The following CCDC158 variants were observed in gnomAD, a reference collection of about 807,000 sequenced individuals.
CCDC158 encodes coiled-coil domain containing 158, also known as coiled-coil domain-containing protein 158.
In CCDC158, 116 loss-of-function variants were observed where a neutral mutation model predicts 138.6. The observed-to-expected ratio is 0.84, with a 90% confidence interval of 0.72 to 0.98. The LOEUF (loss-of-function observed/expected upper bound fraction) is 0.98. Among genes scored for constraint, CCDC158 ranks in the 50% least tolerant of loss-of-function variants. The pLI, the probability that CCDC158 is intolerant of heterozygous loss-of-function variation, is 0.00. For synonymous variants in CCDC158, 436 were observed against 442.4 expected (o/e 0.99, Z 0.18); for missense variants, 1,265 against 1,306.1 (o/e 0.97, Z 0.48).
chr4:76,344,116 G>C (rs143964366), intron 18 of CCDC158, among the ~76,000 whole-genome samples: 2,183 of 152,246 alleles, frequency 0.014, 26 homozygotes, highest in Non-Finnish European at 0.023. Flanking sequence ...TATCGCCTCA[G>C]CCCAAAATCT....
At chr4:76,384,959 T>A (rs1017596510) in intron 4 of CCDC158, among the ~76,000 whole-genome samples, 16 of 152,190 alleles carry the variant, frequency 1.1e-4, no homozygotes, top group African/African-American at 3.9e-4. Flanking sequence ...ATTTTTTACA[T>A]GAAAACATGA....
intron 13 of CCDC158, 26 bp downstream of exon 13, chr4:76,362,100 G>T: frequency 1.3e-6 from 2 of 1,598,500 alleles, no homozygotes; most frequent in Non-Finnish European, 1.7e-6. Context: ...TTATTTTTTA[G>T]TAGGATTTGT....
At chr4:76,343,044 G>A (rs1424145349) in intron 18 of CCDC158, among the ~76,000 whole-genome samples, 3 of 152,258 alleles carry the variant, frequency 2.0e-5, no homozygotes, top group South Asian at 2.1e-4. Context: ...GGGTAAGGTT[G>A]AACCAAAGGA....
rs754936497 is a variant in CCDC158 at position 76,334,178 on chromosome 4, A to G, written c.2665-11T>C. The G allele has an allele frequency of 6.5e-7, 1 of 1,529,476 alleles. No individual in the cohort carries two copies. Among genetic ancestry groups the G allele is most frequent in the South Asian group, 1.3e-5 (1 of 79,828 alleles). The allele number at this position is 1,529,476 out of a possible 1,614,324, so 94.7% of individuals were successfully genotyped here. A position where few individuals can be genotyped will look rare whatever the true frequency, so the allele number is the denominator to read the frequency against. On this transcript the variant is annotated splice_polypyrimidine_tract_variant and intron_variant, in intron 18 of 24. Transcript: ENST00000682701. ...AGCTTTTGTAGAGTGCTGAGTTAAA[A>G]CAATTTACAAAGACACTTATTTTTT...
At chr4:76,357,594 T>A in intron 13 of CCDC158, 68 bp from the exon 14 acceptor site, 1 of 979,816 alleles carries the variant, frequency 1.0e-6, no homozygotes, top group Non-Finnish European at 1.4e-6. Context: ...AAGTATATTT[T>A]ATTTGTAATT....
rs141882320 is a variant in CCDC158, at chr4:76,325,986, G to A, written c.3040C>T (p.Arg1014Cys). The change falls in exon 23 of 25, where the codon CGT becomes TGT. Residue 1014 changes from arginine to cysteine, a missense_variant. Arg to Cys is a radical substitution (Grantham distance 180). Coordinates refer to ENST00000682701, the MANE Select transcript of CCDC158 (RefSeq NM_001394954.1). ...TTCTTAGGAGAAGAATTGAATGAACGAGAAGCTGAGTTTTTCACAGATGGA... is the reference window on the plus strand; with the variant it reads ...TTCTTAGGAGAAGAATTGAATGAACAAGAAGCTGAGTTTTTCACAGATGGA... ...ASPSVKNSAS[R>C]SFNSSPKKSP... The A allele has an allele frequency of 1.5e-4, 246 of 1,612,548 alleles. No homozygotes were observed. The highest frequency in any genetic ancestry group is 1.6e-4 in the Non-Finnish European group (188 of 1,179,378).
chr4:76,381,469 G>GC (rs995669641), intron 8 of CCDC158, among the ~76,000 whole-genome samples: 2 of 152,222 alleles, frequency 1.3e-5, no homozygotes, highest in Non-Finnish European at 2.9e-5. Context: ...GGGGCCTGCA[G>GC]CCCCTTTGTT....
chr4:76,347,109 G>C (rs866564218), intron 18 of CCDC158, among the ~76,000 whole-genome samples: 1 of 152,196 alleles, frequency 6.6e-6, no homozygotes, highest in South Asian at 2.1e-4. Context: ...CATTGTGGAA[G>C]ACAGTGTGGC....
intron 12 of CCDC158, among the ~76,000 whole-genome samples, chr4:76,366,094 G>A (rs1042031144): frequency 3.3e-5 from 5 of 152,130 alleles, no homozygotes; most frequent in African/African-American, 1.2e-4. Context: ...TAACACACTA[G>A]CAATCCACTA....
chr4:76,402,689 G>A (rs1209514642), intron 3 of CCDC158, among the ~76,000 whole-genome samples: 22 of 152,168 alleles, frequency 1.4e-4, no homozygotes, highest in Non-Finnish European at 5.9e-5. Context: ...GAGGTGATGG[G>A]GGCCTGAACC....
chr4:76,379,860 T>C (rs978774424), intron 8 of CCDC158, among the ~76,000 whole-genome samples: 11 of 150,338 alleles, frequency 7.3e-5, no homozygotes, highest in African/African-American at 2.7e-4. Context: ...TGGTGGGAGG[T>C]GATTGGACTG....
rs772972921 is a variant in CCDC158 at position 76,345,325 on chromosome 4, T to C, written c.2664+5671A>G. The C allele has an allele frequency of 1.5e-4, 164 of 1,111,224 alleles. 1 individual carries two copies. The highest frequency in any genetic ancestry group is 2.0e-4 in the Non-Finnish European group (141 of 722,322). The allele number at this position is 1,111,224 out of a possible 1,614,324, so 68.8% of individuals were successfully genotyped here. A position where few individuals can be genotyped will look rare whatever the true frequency, so the allele number is the denominator to read the frequency against. ...TTATACAGACACACCAAAGCCCTCA[T>C]TGATTATGAGAACTCAAACAAAGCT... On this transcript the variant is annotated intron_variant, in intron 18 of 24. Coordinates refer to ENST00000682701, the MANE Select transcript of CCDC158 (RefSeq NM_001394954.1).
chr4:76,336,931 T>C (rs1430939693), intron 18 of CCDC158, among the ~76,000 whole-genome samples: 1 of 152,212 alleles, frequency 6.6e-6, no homozygotes, highest in Non-Finnish European at 1.5e-5. Flanking sequence ...AAGCTTCCTC[T>C]TCTGTGTCCT....
chr4:76,334,300 G>C (rs1332137520), intron 18 of CCDC158, 133 bp from the exon 19 acceptor site: 1 of 710,736 alleles, frequency 1.4e-6, no homozygotes, highest in Non-Finnish European at 2.3e-6. Context: ...TCACCCACAA[G>C]CTTATTACAC....
At chr4:76,395,219 G>A (rs1727669535) in intron 4 of CCDC158, among the ~76,000 whole-genome samples, 1 of 152,058 alleles carries the variant, frequency 6.6e-6, no homozygotes, top group Non-Finnish European at 1.5e-5. Flanking sequence ...ATTTATCATA[G>A]GTAATGCCAC....
chr4:76,361,663 C>T (rs1047271799), intron 13 of CCDC158, among the ~76,000 whole-genome samples: 9 of 152,206 alleles, frequency 5.9e-5, no homozygotes, highest in Non-Finnish European at 1.3e-4. Flanking sequence ...GAGTGTTTCA[C>T]TGTTTAATAT....
upstream of CCDC158, chr4:76,421,805 AC>A (rs1284181255): frequency 6.6e-6 from 1 of 151,966 alleles, no homozygotes; most frequent in African/African-American, 2.4e-5. Context: ...GGCATAGCTG[AC>A]CCTTCTGCCT....
chr4:76,400,488 G>A (rs951306182), intron 3 of CCDC158, among the ~76,000 whole-genome samples: 51 of 151,522 alleles, frequency 3.4e-4, no homozygotes, highest in Non-Finnish European at 7.2e-4. Context: ...CACCAACATG[G>A]CACATGTATA....
At chr4:76,381,164 C>T (rs1426166244) in intron 8 of CCDC158, among the ~76,000 whole-genome samples, 1 of 152,240 alleles carries the variant, frequency 6.6e-6, no homozygotes, top group African/African-American at 2.4e-5. Context: ...ACAGAGTCCC[C>T]ACTGGGGCAC....
Sources: allele counts gnomAD v4.1 joint callset (sites outside exome capture counted in the v4.1 genomes callset), GRCh38; gene constraint gnomAD v4.1.1; transcripts MANE v1.5; gene names NCBI Gene and HGNC (gene_info 2026-07-23, HGNC 2026-07-21).